The following CAMK1D variants were observed in gnomAD, a reference collection of about 807,000 sequenced individuals.
The protein encoded by CAMK1D is calcium/calmodulin dependent protein kinase ID.
In CAMK1D, 9 loss-of-function variants were observed where a neutral mutation model predicts 47.7. The ratio of observed to expected loss-of-function variants is 0.19; its 90% CI spans 0.11 to 0.33. CAMK1D has a LOEUF of 0.33. CAMK1D is among the 10% of genes least tolerant of loss of function. The pLI is 1.00. For synonymous variants in CAMK1D, 184 were observed against 184.9 expected (o/e 0.99, Z 0.04); for missense variants, 291 against 488.7 (o/e 0.60, Z 3.81).
chr10:12,487,899 A>G (rs1347235469), intron 1 of CAMK1D, among the ~76,000 whole-genome samples: 1 of 152,232 alleles, frequency 6.6e-6, no homozygotes, highest in Non-Finnish European at 1.5e-5. Context: ...CTTGTTAAAT[A>G]GACATGGGTT....
At chr10:12,394,286 C>T (rs1308808844) in intron 1 of CAMK1D, among the ~76,000 whole-genome samples, 2 of 152,144 alleles carry the variant, frequency 1.3e-5, no homozygotes, top group African/African-American at 4.8e-5. Context: ...CCCTCATATC[C>T]AGGTGTTCAC....
In CAMK1D at chr10:12,694,093, TATTATATAATATATAA is replaced by T. The variant is rs1480628582; in HGVS notation, c.299+27284_299+27299del. ...TATAAAAAATATTATGTATAATATA[TATTATATAATATATAA>T]TATATATTATGCATAATATATATTA... is the stretch of plus-strand genomic sequence containing the variant. On this transcript the variant is annotated intron_variant, in intron 3 of 10. Transcript: ENST00000619168. Among the ~76,000 whole-genome samples the T allele has an allele frequency of 1.3e-3, 78 of 60,160 alleles. 7 individuals are homozygous for T. Among genetic ancestry groups the T allele is most frequent in the Non-Finnish European group, 2.0e-3 (73 of 35,826 alleles). 39.5% of individuals were successfully genotyped at this position (60,160 alleles called of 152,430 possible).
At chr10:12,763,292 A>G (rs3802573) in intron 4 of CAMK1D, among the ~76,000 whole-genome samples, 17,296 of 152,242 alleles carry the variant, frequency 0.11, 1,046 homozygotes, top group South Asian at 0.15. Context: ...AACAACCTAT[A>G]TAACCAAGCC....
chr10:12,713,468 A>G (rs1834009970), intron 3 of CAMK1D, among the ~76,000 whole-genome samples: 1 of 152,152 alleles, frequency 6.6e-6, no homozygotes, highest in Non-Finnish European at 1.5e-5. Flanking sequence ...CACAGCAATG[A>G]CATTTGAGGC....
At chr10:12,626,836 C>T (rs537753050) in intron 2 of CAMK1D, among the ~76,000 whole-genome samples, 1 of 152,252 alleles carries the variant, frequency 6.6e-6, no homozygotes, top group South Asian at 2.1e-4. Flanking sequence ...TGTTTTAGAA[C>T]ATCATCTACT....
intron 2 of CAMK1D, among the ~76,000 whole-genome samples, chr10:12,605,305 T>C (rs113786975): frequency 4.9e-4 from 74 of 151,196 alleles, no homozygotes; most frequent in Non-Finnish European, 6.8e-4. Flanking sequence ...TGGCTTCTAA[T>C]ATATAGTGTG....
intron 2 of CAMK1D, among the ~76,000 whole-genome samples, chr10:12,558,207 A>G (rs1384665681): frequency 6.6e-6 from 1 of 152,190 alleles, no homozygotes; most frequent in Non-Finnish European, 1.5e-5. Context: ...TGGATTACAG[A>G]GTTTATGATT....
chr10:12,643,064 T>C (rs2399878), intron 2 of CAMK1D, among the ~76,000 whole-genome samples: 136,145 of 152,186 alleles, frequency 0.89, 60,961 homozygotes, highest in Middle Eastern at 0.93. Flanking sequence ...TGCAGTGGCG[T>C]GATCTCAGCT....
chr10:12,674,083 C>G (rs1396709072), intron 3 of CAMK1D, among the ~76,000 whole-genome samples: 1 of 152,050 alleles, frequency 6.6e-6, no homozygotes, highest in Admixed American at 6.6e-5. Flanking sequence ...GTAGCTGGGA[C>G]TGCAGGCATG....
At chr10:12,371,854 A>T (rs576654770) in intron 1 of CAMK1D, among the ~76,000 whole-genome samples, 2 of 151,190 alleles carry the variant, frequency 1.3e-5, no homozygotes, top group African/African-American at 2.4e-5. Context: ...TTTAGTAGAG[A>T]TGGGGTTTCA....
At position 12,511,081 on chromosome 10, in the gene CAMK1D, A is replaced by G. The variant is rs1361172880; in HGVS notation, c.93-42144A>G. 2.6e-5 allele frequency among the ~76,000 whole-genome samples: 4 copies of G among 152,182 alleles called. No individual in the cohort carries two copies. In the East Asian group the frequency reaches 7.7e-4, roughly 29 times the overall value. ...TGCATTCAGTGGCCTGCTTTGTTGT[A>G]AATATGCTCACATTTTTCTTCATTG... is the stretch of plus-strand genomic sequence containing the variant. On this transcript the variant is annotated intron_variant, in intron 1 of 10. Coordinates refer to ENST00000619168, the MANE Select transcript of CAMK1D (RefSeq NM_153498.4).
intron 2 of CAMK1D, among the ~76,000 whole-genome samples, chr10:12,588,885 C>T (rs9787667): frequency 0.29 from 13,895 of 48,072 alleles, 723 homozygotes; most frequent in East Asian, 0.37. Flanking sequence ...TGTGTGTGTG[C>T]GTGCGTGTGT....
intron 1 of CAMK1D, among the ~76,000 whole-genome samples, chr10:12,422,067 C>T (rs1242548719): frequency 6.6e-6 from 1 of 151,972 alleles, no homozygotes; most frequent in Non-Finnish European, 1.5e-5. Flanking sequence ...CCTTGGCCTT[C>T]CAAAGTGCTG....
At position 12,605,337 on chromosome 10, in the gene CAMK1D, AGTGTGTGT is replaced by A. The variant is rs112178502; in HGVS notation, c.224+52004_224+52011del. On this transcript the variant is annotated intron_variant, in intron 2 of 10. Coordinates refer to ENST00000619168, the MANE Select transcript of CAMK1D (RefSeq NM_153498.4). ...TGTGATGGTGGATAGAAACCATTCA[AGTGTGTGT>A]GTGTGTGTGTGTGTGTGTGTGTATG... 1.5e-3 allele frequency among the ~76,000 whole-genome samples: 219 copies of A among 145,214 alleles called. 1 individual carries two copies. The East Asian group carries it at 0.017, about 12-fold the overall frequency.
intron 2 of CAMK1D, among the ~76,000 whole-genome samples, chr10:12,575,384 C>G (rs1468164309): frequency 6.6e-6 from 1 of 152,204 alleles, no homozygotes; most frequent in East Asian, 1.9e-4. Context: ...AGCCACCACA[C>G]CCAGCCATCA....
chr10:12,742,927 C>T (rs568696695), intron 3 of CAMK1D, among the ~76,000 whole-genome samples: 2 of 152,204 alleles, frequency 1.3e-5, no homozygotes, highest in African/African-American at 4.8e-5. Context: ...TATGGATGTG[C>T]GCAAGACAGC....
rs570520423 is a variant in CAMK1D at position 12,467,274 on chromosome 10, C to T, written c.93-85951C>T. Among the ~76,000 whole-genome samples the T allele has an allele frequency of 8.6e-4, 131 of 151,460 alleles. 1 individual carries two copies. Among genetic ancestry groups the T allele is most frequent in the Middle Eastern group, 3.4e-3 (1 of 294 alleles). ...TTCAAGCGATTGTCCTGCCTCAGCC[C>T]CCCGATTAGCTGGGATTACAGGTAG... On this transcript the variant is annotated intron_variant, in intron 1 of 10. Transcript: ENST00000619168.
intron 3 of CAMK1D, among the ~76,000 whole-genome samples, chr10:12,696,387 A>T (rs949448460): frequency 1.3e-5 from 2 of 152,040 alleles, no homozygotes; most frequent in African/African-American, 4.8e-5. Flanking sequence ...AAACACAACA[A>T]TTATCCGGGC....
chr10:12,612,661 G>A lies in CAMK1D; in HGVS notation c.225-54075G>A, dbSNP rs113561613. Reference sequence around the variant, plus strand: ...GAGAGAAAGTGGGTCCTGGATGGGCGTGGAGGTCGCATATTCCTCTCTGGG... The same window carrying A: ...GAGAGAAAGTGGGTCCTGGATGGGCATGGAGGTCGCATATTCCTCTCTGGG... On this transcript the variant is annotated intron_variant, in intron 2 of 10. Coordinates refer to ENST00000619168, the MANE Select transcript of CAMK1D (RefSeq NM_153498.4). Among the ~76,000 whole-genome samples, 246 of 152,224 alleles carry A rather than the reference G, an allele frequency of 1.6e-3. 1 individual carries two copies. The highest frequency in any genetic ancestry group is 5.7e-3 in the African/African-American group (236 of 41,540).
Sources: gnomAD v4.1 joint callset for allele counts (sites outside exome capture counted in the v4.1 genomes callset) on GRCh38, gnomAD v4.1.1 for gene constraint, MANE v1.5 for transcripts, NCBI Gene and HGNC (gene_info 2026-07-23, HGNC 2026-07-21) for gene names.